SHISA9: variants seen among roughly 807,000 people sequenced by gnomAD.
The protein encoded by SHISA9 is protein shisa-9.
A neutral mutation model predicts 38.0 loss-of-function variants in SHISA9; 13 were observed. The observed-to-expected ratio is 0.34, with a 90% confidence interval of 0.22 to 0.54. The LOEUF (loss-of-function observed/expected upper bound fraction) is 0.54. Ranked by LOEUF, SHISA9 falls within the 20% of genes least tolerant of loss-of-function variation. The pLI is 0.91. For synonymous variants in SHISA9, 275 were observed against 242.0 expected, an observed-to-expected ratio of 1.14 and a Z score of -1.27; for missense variants, 538 against 575.8, an observed-to-expected ratio of 0.93 and a Z score of 0.67.
chr16:13,223,144 T>A (rs185721905), intron 4 of SHISA9, among the ~76,000 whole-genome samples: 105 of 152,282 alleles, frequency 6.9e-4, no homozygotes, highest in African/African-American at 2.5e-3. Flanking sequence ...AAGTCAGACA[T>A]GGCTGGGTGC....
At chr16:13,137,317 A>T (rs957862508) in intron 2 of SHISA9, among the ~76,000 whole-genome samples, 3 of 152,194 alleles carry the variant, frequency 2.0e-5, no homozygotes, top group Non-Finnish European at 4.4e-5. Flanking sequence ...TGTCTCAAGA[A>T]ACCTGGAAAA....
chr16:13,419,534 G>C, the SHISA9 span, among the ~76,000 whole-genome samples: 1 of 152,180 alleles, frequency 6.6e-6, no homozygotes, highest in Non-Finnish European at 1.5e-5. Flanking sequence ...GTGATGTCTA[G>C]AACTCTGGAG....
At chr16:13,367,012 C>T in the SHISA9 span, among the ~76,000 whole-genome samples, 30 of 149,558 alleles carry the variant, frequency 2.0e-4, no homozygotes, top group East Asian at 3.9e-3. Context: ...GAAGAAGAAT[C>T]GAGGTTGTAA....
the SHISA9 span, among the ~76,000 whole-genome samples, chr16:13,408,681 T>C: frequency 3.2e-4 from 49 of 152,178 alleles, no homozygotes; most frequent in South Asian, 6.2e-4. Context: ...TTTAGAAGAA[T>C]TTCCCACACA....
chr16:13,019,912 T>C (rs1596589681), intron 2 of SHISA9, among the ~76,000 whole-genome samples: 2 of 72,522 alleles, frequency 2.8e-5, no homozygotes, highest in Admixed American at 1.5e-4. Context: ...TCTTTCTTTC[T>C]TTCTTTCTTT....
At chr16:13,013,375 C>T (rs2072702362) in intron 2 of SHISA9, among the ~76,000 whole-genome samples, 1 of 152,152 alleles carries the variant, frequency 6.6e-6, no homozygotes, top group African/African-American at 2.4e-5. Flanking sequence ...AGGTGTTTGT[C>T]TGTGATATTC....
At chr16:13,302,783 C>A in the SHISA9 span, among the ~76,000 whole-genome samples, 1 of 152,130 alleles carries the variant, frequency 6.6e-6, no homozygotes, top group Non-Finnish European at 1.5e-5. Context: ...TCCCCATAAT[C>A]CCCATGTGTC....
chr16:13,035,999 C>T (rs1340436797), intron 2 of SHISA9, among the ~76,000 whole-genome samples: 1 of 152,152 alleles, frequency 6.6e-6, no homozygotes, highest in African/African-American at 2.4e-5. Flanking sequence ...TTGATGATAT[C>T]AAGTGATGGT....
the SHISA9 span, among the ~76,000 whole-genome samples, chr16:13,269,137 CTT>C: frequency 6.6e-6 from 1 of 152,204 alleles, no homozygotes; most frequent in Non-Finnish European, 1.5e-5. Context: ...AGGTGGTAAA[CTT>C]TATCTGATCT....
At chr16:12,949,939 T>G (rs1290889538) in intron 2 of SHISA9, among the ~76,000 whole-genome samples, 1 of 152,220 alleles carries the variant, frequency 6.6e-6, no homozygotes, top group Non-Finnish European at 1.5e-5. Context: ...GTTACCCTAC[T>G]GTGCTACTGA....
the SHISA9 span, among the ~76,000 whole-genome samples, chr16:13,308,188 C>T: frequency 2.4e-4 from 35 of 148,324 alleles, no homozygotes; most frequent in African/African-American, 7.2e-4. Context: ...GACTTTCTAA[C>T]GCACACGACA....
intron 4 of SHISA9, among the ~76,000 whole-genome samples, chr16:13,215,669 A>C (rs1464759310): frequency 6.6e-6 from 1 of 152,152 alleles, no homozygotes; most frequent in African/African-American, 2.4e-5. Context: ...GCTGTTTTCT[A>C]CCCAAACCAA....
At chr16:13,328,107 A>T in the SHISA9 span, among the ~76,000 whole-genome samples, 1 of 152,124 alleles carries the variant, frequency 6.6e-6, no homozygotes, top group Non-Finnish European at 1.5e-5. Context: ...CTAAATACAG[A>T]TATTTCCCAT....
the SHISA9 span, among the ~76,000 whole-genome samples, chr16:13,426,461 C>T: frequency 3.3e-5 from 5 of 152,144 alleles, no homozygotes; most frequent in South Asian, 2.1e-4. Flanking sequence ...AGAGCCCCCA[C>T]TGGGAGGCAC....
intron 3 of SHISA9, among the ~76,000 whole-genome samples, chr16:13,210,733 T>TC (rs2051110925): frequency 2.0e-5 from 3 of 152,110 alleles, no homozygotes; most frequent in East Asian, 1.9e-4. Flanking sequence ...GAGGCATCAG[T>TC]ACCCCCCGTT....
chr16:12,908,432 T>C (rs1245613065), intron 1 of SHISA9: 2 of 1,549,242 alleles, frequency 1.3e-6, no homozygotes, highest in Admixed American at 3.9e-5. Flanking sequence ...GCCATAAGCT[T>C]ATGTGTAAAT....
intron 2 of SHISA9, among the ~76,000 whole-genome samples, chr16:13,195,340 C>A (rs935550837): frequency 6.6e-6 from 1 of 152,130 alleles, no homozygotes; most frequent in Admixed American, 6.5e-5. Flanking sequence ...TTGGAACAAT[C>A]TGAGCAACAA....
At chr16:13,019,915 CTTT>C (rs1377979987) in intron 2 of SHISA9, among the ~76,000 whole-genome samples, 13 of 74,210 alleles carry the variant, frequency 1.8e-4, no homozygotes, top group Non-Finnish European at 3.5e-4. Flanking sequence ...TTCTTTCTTT[CTTT>C]CTTTCTTTCT....
At chr16:13,250,715 T>A in the SHISA9 span, among the ~76,000 whole-genome samples, 22,748 of 152,120 alleles carry the variant, frequency 0.15, 2,357 homozygotes, top group East Asian at 0.38. Flanking sequence ...GATGATTAGC[T>A]TTGGGTTTGA....
Sources: allele counts gnomAD v4.1 joint callset (sites outside exome capture counted in the v4.1 genomes callset), GRCh38; gene constraint gnomAD v4.1.1; transcripts MANE v1.5; gene names NCBI Gene and HGNC (gene_info 2026-07-23, HGNC 2026-07-21).